The following CCDC30 variants were observed in gnomAD, a reference collection of about 807,000 sequenced individuals.
The protein encoded by CCDC30 is coiled-coil domain-containing protein 30.
A neutral mutation model predicts 100.2 loss-of-function variants in CCDC30; 70 were observed. The observed-to-expected ratio is 0.70, with a 90% confidence interval of 0.58 to 0.85. The LOEUF is 0.85. Among genes scored for constraint, CCDC30 ranks in the 40% least tolerant of loss-of-function variants. The probability of loss-of-function intolerance (pLI) is 0.00; values close to 1 mark genes in which losing one functional copy is unlikely to be tolerated. For synonymous variants in CCDC30, 233 were observed against 269.5 expected, an observed-to-expected ratio of 0.86 and a Z score of 1.33; for missense variants, 652 against 771.2, an observed-to-expected ratio of 0.85 and a Z score of 1.83.
chr1:42,602,749 T>C (rs1396221888), intron 10 of CCDC30, among the ~76,000 whole-genome samples: 2 of 152,216 alleles, frequency 1.3e-5, no homozygotes, highest in Non-Finnish European at 2.9e-5. Context: ...GTAGTCTCTT[T>C]AGGAGATGGA....
downstream of CCDC30, among the ~76,000 whole-genome samples, chr1:42,656,943 G>T (rs1476811387): frequency 6.6e-6 from 1 of 152,164 alleles, no homozygotes; most frequent in Admixed American, 6.5e-5. Flanking sequence ...TTCTAAAACA[G>T]TTGGTATAAA....
the CCDC30 span, chr1:42,456,537 G>A: frequency 1.4e-6 from 2 of 1,445,034 alleles, no homozygotes; most frequent in South Asian, 1.5e-5. Flanking sequence ...GCCGCGAAAC[G>A]TGCGCAGGCG....
chr1:42,651,530 A>C (rs1349115746), intron 15 of CCDC30, among the ~76,000 whole-genome samples: 2 of 152,064 alleles, frequency 1.3e-5, no homozygotes, highest in Admixed American at 6.6e-5. Flanking sequence ...CCACAATGGG[A>C]TATCACCTCA....
chr1:42,536,490 C>T, intron 6 of CCDC30: 1 of 1,597,850 alleles, frequency 6.3e-7, no homozygotes, highest in South Asian at 1.1e-5. Flanking sequence ...TGAAAATGAG[C>T]CAAGAAAAAA....
intron 11 of CCDC30, among the ~76,000 whole-genome samples, chr1:42,623,752 T>G (rs1413977614): frequency 1.3e-5 from 2 of 152,212 alleles, no homozygotes; most frequent in Non-Finnish European, 2.9e-5. Context: ...TAGGATAGTT[T>G]TTTCTATTTC....
At chr1:42,623,932 A>T (rs1418301824) in intron 11 of CCDC30, among the ~76,000 whole-genome samples, 1 of 152,128 alleles carries the variant, frequency 6.6e-6, no homozygotes, top group Non-Finnish European at 1.5e-5. Context: ...AGTTTTCAGT[A>T]TAGAGATCTT....
Position 42,516,163 on chromosome 1 carries a change from C to T in CCDC30, c.456+17247C>T, listed in dbSNP as rs559227855. ...CTATATCACTTTACATTTCCACCAA[C>T]CGTGTAGAATCATACTAATTTCTCC... is the stretch of plus-strand genomic sequence containing the variant. On this transcript the variant is annotated intron_variant, in intron 6 of 16. Transcript: ENST00000668663. 2.0e-3 allele frequency among the ~76,000 whole-genome samples: 309 copies of T among 152,280 alleles called. 1 individual carries two copies. Among genetic ancestry groups the T allele is most frequent in the South Asian group, 8.7e-3 (42 of 4,826 alleles).
At chr1:42,534,389 G>A (rs1402823922) in intron 6 of CCDC30, among the ~76,000 whole-genome samples, 1 of 152,144 alleles carries the variant, frequency 6.6e-6, no homozygotes, top group Non-Finnish European at 1.5e-5. Flanking sequence ...GGTGGCTGAT[G>A]GGAGAAGGTA....
At chr1:42,553,211 T>C (rs1432642145) in intron 6 of CCDC30, among the ~76,000 whole-genome samples, 1 of 152,026 alleles carries the variant, frequency 6.6e-6, no homozygotes. Flanking sequence ...TTTGTTGTTG[T>C]TTTTGTTTGT....
chr1:42,544,901 T>A (rs72659970), intron 6 of CCDC30, among the ~76,000 whole-genome samples: 6 of 152,304 alleles, frequency 3.9e-5, no homozygotes, highest in Non-Finnish European at 7.4e-5. Context: ...GTAAGATATA[T>A]CTAATATTCT....
chr1:42,467,320 A>G (rs76023379), intron 1 of CCDC30, among the ~76,000 whole-genome samples: 17,189 of 152,304 alleles, frequency 0.11, 1,234 homozygotes, highest in East Asian at 0.18. Flanking sequence ...CAGGAACATC[A>G]GTTAAGGTTG....
At chr1:42,543,212 A>C (rs2148530637) in intron 6 of CCDC30, among the ~76,000 whole-genome samples, 1 of 145,842 alleles carries the variant, frequency 6.9e-6, no homozygotes, top group South Asian at 2.2e-4. Flanking sequence ...TGACCTCATG[A>C]TCTGCCCACC....
At chr1:42,592,402 CT>C (rs1433545087) in intron 10 of CCDC30, 1 of 152,122 alleles carries the variant, frequency 6.6e-6, no homozygotes, top group African/African-American at 2.4e-5. Flanking sequence ...TTCATGAGAT[CT>C]GGTTGTTTGA....
At chr1:42,523,456 T>C (rs1644678246) in intron 6 of CCDC30, among the ~76,000 whole-genome samples, 1 of 152,222 alleles carries the variant, frequency 6.6e-6, no homozygotes, top group Non-Finnish European at 1.5e-5. Context: ...ATTTTGCTGT[T>C]AATCTCATTG....
chr1:42,481,979 A>G (rs12024469), intron 2 of CCDC30, among the ~76,000 whole-genome samples: 17,841 of 152,076 alleles, frequency 0.12, 1,261 homozygotes, highest in East Asian at 0.27. Context: ...AGCACTTTGG[A>G]AGGCCCAGGT....
chr1:42,597,947 C>CGA (rs1322016636), intron 10 of CCDC30, among the ~76,000 whole-genome samples: 1 of 146,894 alleles, frequency 6.8e-6, no homozygotes, highest in East Asian at 2.1e-4. Flanking sequence ...CACTTAAGGC[C>CGA]AGGAGTTCAA....
At chr1:42,647,465 G>C (rs957431019) in intron 15 of CCDC30, among the ~76,000 whole-genome samples, 1 of 152,170 alleles carries the variant, frequency 6.6e-6, no homozygotes, top group Non-Finnish European at 1.5e-5. Flanking sequence ...CCTAAAGTGA[G>C]ATAGACTGCA....
intron 7 of CCDC30, among the ~76,000 whole-genome samples, chr1:42,570,550 A>T (rs1247873091): frequency 6.6e-6 from 1 of 152,050 alleles, no homozygotes; most frequent in Non-Finnish European, 1.5e-5. Flanking sequence ...GCCCCTGCAC[A>T]CCTTGTCCCC....
At chr1:42,589,515 T>C (rs1331325396) in intron 10 of CCDC30, 32 bp downstream of exon 14, 1 of 1,583,776 alleles carries the variant, frequency 6.3e-7, no homozygotes, top group South Asian at 1.1e-5. Context: ...CTTCTCAGTT[T>C]TCCTATTCCC....
Sources: gnomAD v4.1 joint callset for allele counts (sites outside exome capture counted in the v4.1 genomes callset) on GRCh38, gnomAD v4.1.1 for gene constraint, MANE v1.5 for transcripts, NCBI Gene and HGNC (gene_info 2026-07-23, HGNC 2026-07-21) for gene names.